The following RORB variants were observed in gnomAD, a reference collection of about 807,000 sequenced individuals.
The protein encoded by RORB is nuclear receptor ROR-beta.
RORB carries 6 observed loss-of-function variants against 59.1 expected under a neutral mutation model. The observed-to-expected ratio is 0.10, with a 90% CI of 0.06 to 0.20. RORB has a LOEUF of 0.20. RORB is among the 10% of genes least tolerant of loss of function. The probability of loss-of-function intolerance (pLI) is 1.00; values close to 1 mark genes in which losing one functional copy is unlikely to be tolerated. For missense variants in RORB, 320 were observed against 560.5 expected (o/e 0.57, Z 4.33); for synonymous variants, 215 against 204.5 (o/e 1.05, Z -0.44).
rs112763187 is a variant in RORB at position 74,622,814 on chromosome 9, C to A, written c.8-7468C>A. On this transcript the variant is annotated intron_variant, in intron 1 of 9. Coordinates refer to ENST00000376896, the MANE Select transcript of RORB (RefSeq NM_006914.4). ...TGCTGGGATTACAGGCATGAGCCAC[C>A]GTGCCCAGCCACAACCCAGATTCTT... Among the ~76,000 whole-genome samples the A allele has an allele frequency of 8.3e-4, 126 of 152,112 alleles. 1 individual carries two copies. Among genetic ancestry groups the A allele is most frequent in the Non-Finnish European group, 5.1e-4 (35 of 67,984 alleles).
intron 4 of RORB, among the ~76,000 whole-genome samples, chr9:74,652,972 T>C (rs182648318): frequency 1.3e-5 from 2 of 152,336 alleles, no homozygotes; most frequent in Non-Finnish European, 2.9e-5. Context: ...CAGAATTCTA[T>C]TTATGCTAAA....
chr9:74,566,470 C>T (rs1269188572), intron 1 of RORB, among the ~76,000 whole-genome samples: 1 of 152,120 alleles, frequency 6.6e-6, no homozygotes, highest in Non-Finnish European at 1.5e-5. Context: ...TGGTTCTTTA[C>T]ATCTTCTTCT....
intron 1 of RORB, among the ~76,000 whole-genome samples, chr9:74,530,456 T>A (rs1401334602): frequency 6.6e-6 from 1 of 151,964 alleles, no homozygotes; most frequent in African/African-American, 2.4e-5. Flanking sequence ...GAGAGAAAAT[T>A]TGGTCTTTCT....
At chr9:74,680,025 C>A (rs2118569796) in intron 9 of RORB, among the ~76,000 whole-genome samples, 1 of 152,198 alleles carries the variant, frequency 6.6e-6, no homozygotes, top group African/African-American at 2.4e-5. Flanking sequence ...ATTGCTTGAA[C>A]CCGGGAGGTG....
intron 1 of RORB, among the ~76,000 whole-genome samples, chr9:74,521,186 A>G (rs914334510): frequency 6.6e-6 from 1 of 151,886 alleles, no homozygotes; most frequent in Non-Finnish European, 1.5e-5. Context: ...GTTTCACTTA[A>G]GGGTCTAATC....
At chr9:74,675,185 G>C (rs972075662) in intron 9 of RORB, among the ~76,000 whole-genome samples, 7 of 152,106 alleles carry the variant, frequency 4.6e-5, no homozygotes, top group Admixed American at 1.3e-4. Flanking sequence ...GCAATGGCAT[G>C]GAGGTAGGAA....
intron 1 of RORB, among the ~76,000 whole-genome samples, chr9:74,515,195 C>T (rs1485761456): frequency 6.6e-6 from 1 of 151,390 alleles, no homozygotes; most frequent in Non-Finnish European, 1.5e-5. Context: ...ATGTTTGCAT[C>T]TAATTTCTAA....
chr9:74,525,404 A>G (rs1287571570), intron 1 of RORB, among the ~76,000 whole-genome samples: 3 of 151,960 alleles, frequency 2.0e-5, no homozygotes, highest in Non-Finnish European at 4.4e-5. Flanking sequence ...AAAAAGTTAT[A>G]TAGTCTAGTT....
At chr9:74,649,213 A>G (rs1823951768) in intron 4 of RORB, among the ~76,000 whole-genome samples, 1 of 152,040 alleles carries the variant, frequency 6.6e-6, no homozygotes, top group South Asian at 2.1e-4. Flanking sequence ...GCCTCCCAAA[A>G]GTGCTGATAT....
intron 1 of RORB, among the ~76,000 whole-genome samples, chr9:74,499,773 A>G (rs111426844): frequency 0.021 from 3,207 of 152,162 alleles, 67 homozygotes; most frequent in African/African-American, 0.046. Flanking sequence ...GTCCCAGTCC[A>G]GAGCTGCCAG....
rs141882768 is a variant in RORB, at chr9:74,687,025, G to A, written c.*1407G>A. The A allele has an allele frequency of 2.6e-4, 39 of 152,172 alleles. No homozygotes were observed. In the East Asian group the frequency reaches 6.4e-3, roughly 25 times the overall value. 9.4% of individuals were successfully genotyped at this position (152,172 alleles called of 1,614,324 possible). A position where few individuals can be genotyped will look rare whatever the true frequency, so the allele number is the denominator to read the frequency against. On this transcript the variant is annotated 3_prime_UTR_variant, in exon 10 of 10. Transcript: ENST00000376896. The stretch of plus-strand genomic sequence containing the variant: ...AATAAAGAATACAACTGTGACATTA[G>A]GATCAGAGATTTTAGACTTCCTTGT...
intron 1 of RORB, among the ~76,000 whole-genome samples, chr9:74,576,682 C>G (rs1425985664): frequency 1.3e-5 from 2 of 151,982 alleles, no homozygotes; most frequent in Admixed American, 6.6e-5. Flanking sequence ...TTTGAACCCG[C>G]CTGGGAAAGC....
chr9:74,497,885 T>G lies in RORB; in HGVS notation c.-92T>G. The G allele has an allele frequency of 2.0e-6, 3 of 1,502,418 alleles. No individual in the cohort carries two copies. Among genetic ancestry groups the G allele is most frequent in the Non-Finnish European group, 2.7e-6 (3 of 1,093,680 alleles). 93.1% of individuals were successfully genotyped at this position (1,502,418 alleles called of 1,614,324 possible). ...CAGAGCAGCTCTTCGCCGACCACCT[T>G]CTTCACTCGTGCTGAGCGGGATTTT... On this transcript the variant is annotated 5_prime_UTR_variant, in exon 1 of 10. Coordinates refer to ENST00000376896, the MANE Select transcript of RORB (RefSeq NM_006914.4).
At chr9:74,674,152 G>A (rs1248545085) in intron 9 of RORB, among the ~76,000 whole-genome samples, 1 of 151,942 alleles carries the variant, frequency 6.6e-6, no homozygotes, top group African/African-American at 2.4e-5. Flanking sequence ...TTCCCCAAAA[G>A]GAATATTTTA....
chr9:74,582,544 GT>G (rs1822739682), intron 1 of RORB, among the ~76,000 whole-genome samples: 1 of 152,142 alleles, frequency 6.6e-6, no homozygotes, highest in Non-Finnish European at 1.5e-5. Context: ...GTGTTGTTTT[GT>G]TTGGCCCTTG....
At chr9:74,542,776 A>G (rs935815033) in intron 1 of RORB, among the ~76,000 whole-genome samples, 2 of 152,166 alleles carry the variant, frequency 1.3e-5, no homozygotes, top group African/African-American at 4.8e-5. Context: ...TCCCAAGAAC[A>G]CATTTCTCAA....
Position 74,660,614 on chromosome 9 carries a change from C to T in RORB, c.638-3C>T. The T allele has an allele frequency of 1.9e-6, 3 of 1,604,216 alleles. No individual in the cohort carries two copies. Among genetic ancestry groups the T allele is most frequent in the Non-Finnish European group, 2.5e-6 (3 of 1,176,786 alleles). Reference sequence around the variant, plus strand: ...ACCTTTGAATTGATATCTTTTCTCACAGACCGAATTGCACAGAACATCATT... The same window carrying T: ...ACCTTTGAATTGATATCTTTTCTCATAGACCGAATTGCACAGAACATCATT... On this transcript the variant is annotated splice_region_variant and splice_polypyrimidine_tract_variant and intron_variant, in intron 4 of 9. Coordinates refer to ENST00000376896, the MANE Select transcript of RORB (RefSeq NM_006914.4).
chr9:74,580,566 C>T (rs1822707014), intron 1 of RORB, among the ~76,000 whole-genome samples: 1 of 152,108 alleles, frequency 6.6e-6, no homozygotes. Context: ...TCTCATTTGT[C>T]ACTGCAGTGC....
Position 74,554,102 on chromosome 9 carries a change from G to A in RORB, c.7+56119G>A, listed in dbSNP as rs143124563. 8.1e-3 allele frequency among the ~76,000 whole-genome samples: 1,232 copies of A among 152,260 alleles called. 10 individuals carry two copies. The highest frequency in any genetic ancestry group is 0.013 in the Non-Finnish European group (900 of 68,026). ...AATTGGTGCTTTAACAAGCCCTTTC[G>A]TTGGGAGATCTCAGTCCACACTTAA... is the stretch of plus-strand genomic sequence containing the variant. On this transcript the variant is annotated intron_variant, in intron 1 of 9. Transcript: ENST00000376896.
Sources: gnomAD v4.1 joint callset for allele counts (sites outside exome capture counted in the v4.1 genomes callset) on GRCh38, gnomAD v4.1.1 for gene constraint, MANE v1.5 for transcripts, NCBI Gene and HGNC (gene_info 2026-07-23, HGNC 2026-07-21) for gene names.